Variants in NBPF9 observed in about 807,000 individuals in gnomAD.
The protein encoded by NBPF9 is NBPF member 9, also known as NBPF family member NBPF9.
In NBPF9, 91 loss-of-function variants were observed where a neutral mutation model predicts 97.8. The ratio of observed to expected loss-of-function variants is 0.93; its 90% CI spans 0.79 to 1.11. The LOEUF (loss-of-function observed/expected upper bound fraction) is 1.11, where lower values mean the gene tolerates loss of function less well. Ranked by LOEUF, NBPF9 falls within the 50% of genes least tolerant of loss-of-function variation. The pLI is 0.00. For missense variants in NBPF9, 992 were observed against 939.5 expected (o/e 1.06, Z -0.73); for synonymous variants, 334 against 359.5 (o/e 0.93, Z 0.80).
chr1:149,061,158 G>A (rs1425630301), intron 23 of NBPF9, 174 bp downstream of exon 23: 2 of 355,964 alleles, frequency 5.6e-6, no homozygotes, highest in East Asian at 3.7e-5. Flanking sequence ...ATAAGGGGAG[G>A]AAGAAATGGA....
At chr1:149,077,629 G>A (rs1553248021) in intron 10 of NBPF9, among the ~76,000 whole-genome samples, 2 of 152,222 alleles carry the variant, frequency 1.3e-5, no homozygotes, top group East Asian at 1.9e-4. Context: ...AGCAGCTGGT[G>A]TTCAGTGCAC....
chr1:149,087,441 C>T (rs1348459145), intron 5 of NBPF9, among the ~76,000 whole-genome samples: 3 of 150,612 alleles, frequency 2.0e-5, no homozygotes, highest in African/African-American at 7.3e-5. Context: ...TCTCTCTTCT[C>T]TTCCACTGAT....
chr1:149,071,525 A>T (rs2079409988), intron 15 of NBPF9, 79 bp downstream of exon 15: 2 of 1,026,586 alleles, frequency 1.9e-6, no homozygotes, highest in Middle Eastern at 3.1e-4. Flanking sequence ...GGCCCATCAT[A>T]GATGCCAGAG....
At chr1:149,078,772 T>C (rs1345346554) in intron 9 of NBPF9, among the ~76,000 whole-genome samples, 16 of 141,620 alleles carry the variant, frequency 1.1e-4, no homozygotes, top group African/African-American at 4.0e-4. Flanking sequence ...AGATGCTGCC[T>C]CTTGCTCCAA....
At chr1:149,073,532 A>C (rs1435854351) in intron 13 of NBPF9, among the ~76,000 whole-genome samples, 1 of 147,266 alleles carries the variant, frequency 6.8e-6, no homozygotes, top group South Asian at 2.3e-4. Context: ...TGTAAATTTC[A>C]CATCAACAAT....
At position 149,071,209 on chromosome 1, in the gene NBPF9, G is replaced by C. The variant is rs2079382070; in HGVS notation, c.1380-70C>G. On this transcript the variant is annotated intron_variant, in intron 15 of 29. Coordinates refer to ENST00000584027, the Ensembl canonical transcript of NBPF9. The stretch of plus-strand genomic sequence containing the variant: ...AGGGATTGGACCCCAGGGAGTCCTA[G>C]CTGGTTTTGACAGGCGGCATTAAGA... 4.5e-6 allele frequency: 5 copies of C among 1,107,572 alleles called. No individual in the cohort carries two copies. In the East Asian group the frequency reaches 1.0e-4, roughly 22 times the overall value. 68.6% of individuals were successfully genotyped at this position (1,107,572 alleles called of 1,614,324 possible). A position where few individuals can be genotyped will look rare whatever the true frequency, so the allele number is the denominator to read the frequency against.
Position 149,102,811 on chromosome 1 carries a change from T to A in NBPF9, c.-806A>T, listed in dbSNP as rs1462474795. The A allele has an allele frequency of 6.6e-6, 1 of 152,040 alleles. No individual in the cohort carries two copies. Among genetic ancestry groups the A allele is most frequent in the African/African-American group, 2.4e-5 (1 of 41,370 alleles). The allele number at this position is 152,040 out of a possible 1,614,324, so 9.4% of individuals were successfully genotyped here. A position where few individuals can be genotyped will look rare whatever the true frequency, so the allele number is the denominator to read the frequency against. Reference sequence around the variant, plus strand: ...CGGCTACAAACGCTCCTCATGTGCATCCTGGACTTGGTACACCCGGCTTGC... The same window carrying A: ...CGGCTACAAACGCTCCTCATGTGCAACCTGGACTTGGTACACCCGGCTTGC... On this transcript the variant is annotated 5_prime_UTR_variant, in exon 2 of 30. The change abolishes an upstream ATG in the 5' untranslated region. Coordinates refer to ENST00000584027, the Ensembl canonical transcript of NBPF9.
intron 11 of NBPF9, among the ~76,000 whole-genome samples, chr1:149,076,383 G>C (rs2079870637): frequency 6.6e-6 from 1 of 151,202 alleles, no homozygotes; most frequent in Non-Finnish European, 1.5e-5. Context: ...TTTTAGTAGA[G>C]ATGGGGTTTC....
intron 17 of NBPF9, chr1:149,066,010 A>G: frequency 2.0e-6 from 1 of 500,252 alleles, no homozygotes; most frequent in Non-Finnish European, 3.6e-6. Flanking sequence ...CTTTGCATAA[A>G]TTGGGTTGAA....
chr1:149,064,632 T>C (rs1553651202), intron 18 of NBPF9, 150 bp from the exon 19 acceptor site: 1 of 627,746 alleles, frequency 1.6e-6, no homozygotes, highest in Admixed American at 2.8e-5. Flanking sequence ...AGGCCTGAGG[T>C]CAAGTCTTGA....
At chr1:149,093,138 C>A (rs1335351721) in intron 4 of NBPF9, among the ~76,000 whole-genome samples, 1 of 151,722 alleles carries the variant, frequency 6.6e-6, no homozygotes, top group African/African-American at 2.4e-5. Flanking sequence ...CAGGTAAACA[C>A]GTGAACAAAT....
chr1:149,052,298 A>T (rs1332891658), downstream of NBPF9, among the ~76,000 whole-genome samples: 5 of 152,150 alleles, frequency 3.3e-5, no homozygotes, highest in African/African-American at 4.8e-5. Flanking sequence ...GAGAACAAAT[A>T]TAAGCTGCAG....
At position 149,065,510 on chromosome 1, in the gene NBPF9, A is replaced by G. The variant is rs2078982534; in HGVS notation, c.1801+16T>C. The G allele has an allele frequency of 6.2e-7, 1 of 1,601,336 alleles. No individual in the cohort carries two copies. On this transcript the variant is annotated intron_variant, in intron 18 of 29. Transcript: ENST00000584027. The stretch of plus-strand genomic sequence containing the variant: ...CATGAACTGGAGCTTTATCACCTTC[A>G]CAATGGAGTACTCACTGCCTATGTC...
intron 14 of NBPF9, among the ~76,000 whole-genome samples, chr1:149,072,477 G>A (rs142539915): frequency 3.7e-3 from 534 of 144,702 alleles, no homozygotes; most frequent in East Asian, 0.015. Context: ...CTAGATAGAT[G>A]CTGCCTCTTG....
intron 25 of NBPF9, chr1:149,059,455 A>G: frequency 2.5e-6 from 1 of 399,318 alleles, no homozygotes; most frequent in Non-Finnish European, 4.5e-6. Context: ...TATGCTCAAA[A>G]TTCGATGCAG....
chr1:149,087,151 T>G (rs1274854250), intron 5 of NBPF9, among the ~76,000 whole-genome samples: 1 of 152,050 alleles, frequency 6.6e-6, no homozygotes, highest in African/African-American at 2.4e-5. Flanking sequence ...CCTATGCTAA[T>G]TGACCATTCA....
At chr1:149,059,339 G>A in intron 25 of NBPF9, 2 of 464,502 alleles carry the variant, frequency 4.3e-6, no homozygotes, top group East Asian at 2.9e-5. Context: ...GAATTGGCCG[G>A]GTGACACACT....
exon 18 of NBPF9, chr1:149,065,668 C>T (rs1553651557): frequency 6.2e-6 from 10 of 1,602,254 alleles, no homozygotes; most frequent in South Asian, 3.3e-5. Flanking sequence ...GGACTTCCTC[C>T]TCTTCAGACT....
At chr1:149,075,850 AGGTGGGGCCAGG>A in exon 12 of NBPF9, 1 of 1,322,998 alleles carries the variant, frequency 7.6e-7, no homozygotes, top group African/African-American at 1.4e-5. Flanking sequence ...GTGGCAGAAG[AGGTGGGGCCAGG>A]GACTGGGGAG....
Sources: allele counts gnomAD v4.1 joint callset (sites outside exome capture counted in the v4.1 genomes callset), GRCh38; gene constraint gnomAD v4.1.1; transcripts MANE v1.5; gene names NCBI Gene and HGNC (gene_info 2026-07-23, HGNC 2026-07-21).